Variants in DGUOK observed in about 807,000 individuals in gnomAD.
DGUOK encodes deoxyguanosine kinase, also known as deoxyguanosine kinase, mitochondrial.
In DGUOK, 30 loss-of-function variants were observed where a neutral mutation model predicts 36.6. The ratio of observed to expected loss-of-function variants is 0.82; its 90% CI spans 0.61 to 1.11. The LOEUF is 1.11. Among genes scored for constraint, DGUOK ranks in the 50% most tolerant of loss-of-function variants. The pLI is 0.00. For missense variants in DGUOK, 361 were observed against 336.4 expected, an observed-to-expected ratio of 1.07 and a Z score of -0.57; for synonymous variants, 145 against 126.3, an observed-to-expected ratio of 1.15 and a Z score of -0.99.
intron 1 of DGUOK, among the ~76,000 whole-genome samples, chr2:73,927,320 C>T (rs1250917627): frequency 6.6e-6 from 1 of 152,206 alleles, no homozygotes; most frequent in African/African-American, 2.4e-5. Flanking sequence ...ATTGTATTAG[C>T]TGTTTGTAAT....
rs1028341314 is a variant in DGUOK, at chr2:73,930,794, C to CT, written c.142+3761dup. Among the ~76,000 whole-genome samples, 224 of 35,654 alleles carry CT rather than the reference C, an allele frequency of 6.3e-3. 2 individuals carry two copies. Among genetic ancestry groups the CT allele is most frequent in the Middle Eastern group, 0.017 (1 of 60 alleles). The allele number at this position is 35,654 out of a possible 152,430, so 23.4% of individuals were successfully genotyped here. ...TCGACATAATTTTCTTTTTTTTTTT[C>CT]TTTTTTTTTTTTTTTTTTTGAGACA... On this transcript the variant is annotated intron_variant, in intron 1 of 6. Coordinates refer to ENST00000264093, the MANE Select transcript of DGUOK (RefSeq NM_080916.3).
chr2:73,932,451 C>G (rs1162480472), intron 1 of DGUOK: 5 of 349,772 alleles, frequency 1.4e-5, no homozygotes, highest in Non-Finnish European at 2.7e-5. Flanking sequence ...GACACCTAAC[C>G]CCCGCCTTGA....
At chr2:73,930,351 G>A (rs1185108711) in intron 1 of DGUOK, among the ~76,000 whole-genome samples, 1 of 152,214 alleles carries the variant, frequency 6.6e-6, no homozygotes, top group Non-Finnish European at 1.5e-5. Flanking sequence ...AGTGAGACCA[G>A]TCACCATGGC....
At chr2:73,932,284 C>T (rs1049270634) in intron 1 of DGUOK, among the ~76,000 whole-genome samples, 2 of 152,290 alleles carry the variant, frequency 1.3e-5, no homozygotes, top group East Asian at 1.9e-4. Flanking sequence ...CCTGATGACT[C>T]TCCCTAGACA....
chr2:73,930,012 G>A (rs1680892411), intron 1 of DGUOK, among the ~76,000 whole-genome samples: 1 of 152,196 alleles, frequency 6.6e-6, no homozygotes, highest in Non-Finnish European at 1.5e-5. Context: ...TCGGGACAGA[G>A]GATAGAATTG....
At position 73,927,072 on chromosome 2, in the gene DGUOK, T is replaced by C. The variant is rs1472936403; in HGVS notation, c.142+20T>C. On this transcript the variant is annotated intron_variant, in intron 1 of 6. Transcript: ENST00000264093. The stretch of plus-strand genomic sequence containing the variant: ...ACATTGGTAAGGGCCGGAAAGCGGC[T>C]GCCAAGCCTTGGCCTCCGCCACGCA... 2 of 1,605,216 alleles carry C rather than the reference T, an allele frequency of 1.2e-6. No homozygotes were observed. The highest frequency in any genetic ancestry group is 2.2e-5 in the South Asian group (2 of 91,070).
At position 73,926,901 on chromosome 2, in the gene DGUOK, C is replaced by A. The variant is rs1210425272; in HGVS notation, c.-10C>A. 2 of 1,613,224 alleles carry A rather than the reference C, an allele frequency of 1.2e-6. No individual in the cohort carries two copies. Among genetic ancestry groups the A allele is most frequent in the African/African-American group, 2.7e-5 (2 of 74,938 alleles). On this transcript the variant is annotated 5_prime_UTR_variant, in exon 1 of 7. Coordinates refer to ENST00000264093, the MANE Select transcript of DGUOK (RefSeq NM_080916.3). ...CGGCGGAAGTGATCGCTGTGTGAATCGTGGGTGGGATGGCCGCGGGCCGCC... is the reference window on the plus strand; with the variant it reads ...CGGCGGAAGTGATCGCTGTGTGAATAGTGGGTGGGATGGCCGCGGGCCGCC...
In DGUOK at chr2:73,957,981, C is replaced by T. The variant is rs776863293; in HGVS notation, c.708-165C>T. 6 of 587,246 alleles carry T rather than the reference C, an allele frequency of 1.0e-5. No homozygotes were observed. The East Asian group carries it at 2.0e-4, about 20-fold the overall frequency. The allele number at this position is 587,246 out of a possible 1,614,324, so 36.4% of individuals were successfully genotyped here. A position where few individuals can be genotyped will look rare whatever the true frequency, so the allele number is the denominator to read the frequency against. On this transcript the variant is annotated intron_variant, in intron 5 of 6. Coordinates refer to ENST00000264093, the MANE Select transcript of DGUOK (RefSeq NM_080916.3). ...AAACCTCAACCTTTCTGTTTCCGGC[C>T]AACTTTATTGAATTTGTTTTTTTAA...
At chr2:73,928,075 G>C (rs1161016602) in intron 1 of DGUOK, among the ~76,000 whole-genome samples, 3 of 152,202 alleles carry the variant, frequency 2.0e-5, no homozygotes, top group Non-Finnish European at 4.4e-5. Context: ...CAATATGTTA[G>C]AGAGTAATAA....
intron 6 of DGUOK, 108 bp from the exon 7 acceptor site, chr2:73,958,602 T>A (rs956593606): frequency 3.2e-6 from 3 of 952,102 alleles, no homozygotes; most frequent in Non-Finnish European, 5.1e-6. Context: ...ATTATTTTCC[T>A]TTCCTCACAA....
intron 1 of DGUOK, among the ~76,000 whole-genome samples, chr2:73,930,339 A>G (rs79460826): frequency 6.6e-6 from 1 of 152,218 alleles, no homozygotes; most frequent in African/African-American, 2.4e-5. Context: ...TCATGAATTT[A>G]AAGTGAGACC....
At chr2:73,953,300 TCGTC>T (rs1682836494) in intron 4 of DGUOK, among the ~76,000 whole-genome samples, 2 of 77,656 alleles carry the variant, frequency 2.6e-5, no homozygotes, top group South Asian at 4.5e-4. Flanking sequence ...ATCGTCGTCG[TCGTC>T]GTCGTCGTCG....
intron 4 of DGUOK, among the ~76,000 whole-genome samples, chr2:73,951,845 A>G (rs1198595970): frequency 6.6e-6 from 1 of 152,212 alleles, no homozygotes; most frequent in Non-Finnish European, 1.5e-5. Context: ...GGAATAAGAG[A>G]TTCTACAGAA....
intron 4 of DGUOK, among the ~76,000 whole-genome samples, chr2:73,954,670 C>G (rs1330252350): frequency 6.6e-6 from 1 of 152,078 alleles, no homozygotes. Flanking sequence ...ATGGGGACAG[C>G]ATGCAGGAGG....
intron 4 of DGUOK, among the ~76,000 whole-genome samples, chr2:73,954,299 C>T (rs573081930): frequency 6.6e-6 from 1 of 152,236 alleles, no homozygotes; most frequent in South Asian, 2.1e-4. Context: ...GTCAGGATTA[C>T]ACCACTGCAT....
intron 4 of DGUOK, among the ~76,000 whole-genome samples, chr2:73,951,411 C>T (rs1464690): frequency 0.69 from 104,165 of 151,768 alleles, 35,985 homozygotes; most frequent in African/African-American, 0.7. Context: ...TCAATCTAGA[C>T]GATCTCTAAG....
intron 1 of DGUOK, among the ~76,000 whole-genome samples, chr2:73,934,856 T>C (rs962663100): frequency 6.6e-6 from 1 of 151,982 alleles, no homozygotes; most frequent in African/African-American, 2.4e-5. Context: ...GTGGATCGCT[T>C]GAACTCAGGA....
intron 2 of DGUOK, among the ~76,000 whole-genome samples, chr2:73,943,157 T>G (rs831548): frequency 0.57 from 86,534 of 151,634 alleles, 25,882 homozygotes; most frequent in Non-Finnish European, 0.65. Context: ...GTTTTGACTT[T>G]TGGGTTCTTT....
intron 1 of DGUOK, among the ~76,000 whole-genome samples, chr2:73,934,451 T>G (rs970281358): frequency 6.6e-6 from 1 of 152,134 alleles, no homozygotes; most frequent in African/African-American, 2.4e-5. Flanking sequence ...TTCATAATAC[T>G]GAGAGTATAT....
Sources: allele counts gnomAD v4.1 joint callset (sites outside exome capture counted in the v4.1 genomes callset), GRCh38; gene constraint gnomAD v4.1.1; transcripts MANE v1.5; gene names NCBI Gene and HGNC (gene_info 2026-07-23, HGNC 2026-07-21).